RAI2: variants seen among roughly 807,000 people sequenced by gnomAD.
The protein encoded by RAI2 is retinoic acid-induced protein 2.
RAI2 carries 5 observed loss-of-function variants against 15.3 expected under a neutral mutation model. The ratio of observed to expected loss-of-function variants is 0.33; its 90% CI spans 0.17 to 0.69. The LOEUF (loss-of-function observed/expected upper bound fraction) is 0.69. Among genes scored for constraint, RAI2 ranks in the 30% least tolerant of loss-of-function variants. The pLI is 0.69. For missense variants in RAI2, 424 were observed against 424.7 expected (o/e 1.00, Z 0.01); for synonymous variants, 191 against 184.0 (o/e 1.04, Z -0.31).
chrX:17,815,322 TGCACACAC>T lies in RAI2; in HGVS notation c.-24-13296_-24-13289del, dbSNP rs1188304533. 8.0e-5 allele frequency among the ~76,000 whole-genome samples: 4 copies of T among 49,922 alleles called. No individual in the cohort carries two copies. The East Asian group carries it at 3.5e-3, about 44-fold the overall frequency. 43.4% of individuals were successfully genotyped at this position (49,922 alleles called of 115,157 possible). ...GTTTGCACACATACATGTGCACACG[TGCACACAC>T]ACACACACACACACACACACACACA... On this transcript the variant is annotated intron_variant, in intron 1 of 1. Coordinates refer to ENST00000451717, the MANE Select transcript of RAI2 (RefSeq NM_021785.6).
At chrX:17,844,468 G>C (rs1653839758) in intron 1 of RAI2, among the ~76,000 whole-genome samples, 1 of 112,926 alleles carries the variant, frequency 8.9e-6, no homozygotes, top group Non-Finnish European at 1.9e-5. Flanking sequence ...GTGGTGCCAA[G>C]AACAGGTTAC....
At chrX:17,836,454 AT>A (rs2067335827) in intron 1 of RAI2, among the ~76,000 whole-genome samples, 1 of 112,436 alleles carries the variant, frequency 8.9e-6, no homozygotes, top group African/African-American at 3.2e-5. Context: ...TATCTCAGTA[AT>A]TTATTGAATA....
At chrX:17,857,142 AT>A (rs1444873085) in intron 1 of RAI2, among the ~76,000 whole-genome samples, 2 of 112,031 alleles carry the variant, frequency 1.8e-5, no homozygotes, top group Non-Finnish European at 3.8e-5. Flanking sequence ...TACAGCAAGG[AT>A]GTCACCCTGA....
intron 1 of RAI2, among the ~76,000 whole-genome samples, chrX:17,813,849 C>A (rs1430394333): frequency 1.8e-5 from 2 of 111,591 alleles, no homozygotes; most frequent in Non-Finnish European, 3.8e-5. Flanking sequence ...AAGGACTGCA[C>A]TCCCATGCAC....
intron 1 of RAI2, among the ~76,000 whole-genome samples, chrX:17,826,510 G>GA (rs1556149311): frequency 9.0e-6 from 1 of 111,388 alleles, no homozygotes; most frequent in African/African-American, 3.3e-5. Context: ...TATTTGGAGG[G>GA]AGGAAGGAAG....
intron 1 of RAI2, among the ~76,000 whole-genome samples, chrX:17,823,906 C>T (rs1308426911): frequency 9.0e-6 from 1 of 111,457 alleles, no homozygotes; most frequent in African/African-American, 3.3e-5. Context: ...ATAGCTTATC[C>T]TGGCCAGTCT....
intron 1 of RAI2, among the ~76,000 whole-genome samples, chrX:17,831,834 A>T (rs2067285670): frequency 8.9e-6 from 1 of 112,404 alleles, no homozygotes; most frequent in Non-Finnish European, 1.9e-5. Flanking sequence ...TTATGAGTGC[A>T]TCAGAGTTTG....
chrX:17,850,983 G>C (rs764543880), intron 1 of RAI2, among the ~76,000 whole-genome samples: 2 of 112,716 alleles, frequency 1.8e-5, no homozygotes, highest in Non-Finnish European at 3.7e-5. Context: ...AATCCTGTCC[G>C]ATACAGGCAG....
At chrX:17,857,373 C>T (rs1243271889) in intron 1 of RAI2, among the ~76,000 whole-genome samples, 1 of 111,721 alleles carries the variant, frequency 9.0e-6, no homozygotes, top group African/African-American at 3.3e-5. Flanking sequence ...AAGGGGGCTA[C>T]GGGGCTTGCT....
intron 1 of RAI2, among the ~76,000 whole-genome samples, chrX:17,817,830 T>C (rs763053336): frequency 8.9e-6 from 1 of 112,537 alleles, no homozygotes; most frequent in Non-Finnish European, 1.9e-5. Context: ...GGATTTTCTA[T>C]AGGAAAGGTC....
intron 1 of RAI2, among the ~76,000 whole-genome samples, chrX:17,809,178 C>CTGGAT (rs2067013964): frequency 1.8e-5 from 2 of 112,253 alleles, no homozygotes; most frequent in African/African-American, 6.5e-5. Context: ...ATCCAGAGGT[C>CTGGAT]TACACAGCCC....
chrX:17,859,813 C>T (rs892132804), intron 1 of RAI2, among the ~76,000 whole-genome samples: 4 of 111,635 alleles, frequency 3.6e-5, no homozygotes, highest in Non-Finnish European at 7.5e-5. Context: ...GTCACCCAGA[C>T]GCTGCGCCGT....
intron 1 of RAI2, among the ~76,000 whole-genome samples, chrX:17,804,268 C>CCATTCATTCATGCATGCATGTATGAATT (rs1316793992): frequency 3.6e-5 from 4 of 112,260 alleles, no homozygotes; most frequent in East Asian, 2.8e-4. Context: ...CTCTAATACA[C>CCATTCATTCATGCATGCATGTATGAATT]CATTCATTCA....
intron 1 of RAI2, among the ~76,000 whole-genome samples, chrX:17,855,406 G>C: frequency 9.0e-6 from 1 of 111,579 alleles, no homozygotes; most frequent in Non-Finnish European, 1.9e-5. Context: ...GGGTGGGTGG[G>C]GTCGAGGAAA....
intron 1 of RAI2, among the ~76,000 whole-genome samples, chrX:17,811,926 A>T (rs368530519): frequency 3.8e-4 from 39 of 103,345 alleles, no homozygotes; most frequent in East Asian, 2.4e-3. Context: ...TAAAATGATT[A>T]AAAAAAAAAA....
chrX:17,803,534 A>AAAAAG (rs962919331), intron 1 of RAI2, among the ~76,000 whole-genome samples: 16 of 111,295 alleles, frequency 1.4e-4, no homozygotes, highest in Middle Eastern at 4.6e-3. Context: ...CCTTTAAAAA[A>AAAAAG]AAAAGAAAAG....
intron 1 of RAI2, among the ~76,000 whole-genome samples, chrX:17,840,094 T>G (rs1265310772): frequency 1.8e-5 from 2 of 112,386 alleles, no homozygotes; most frequent in Non-Finnish European, 3.8e-5. Context: ...TCTATAATGT[T>G]TTTATTTTTA....
At chrX:17,849,738 C>T (rs1449429754) in intron 1 of RAI2, among the ~76,000 whole-genome samples, 1 of 112,573 alleles carries the variant, frequency 8.9e-6, no homozygotes, top group Non-Finnish European at 1.9e-5. Context: ...CAGTTCTCAA[C>T]AGGATAAGTA....
intron 1 of RAI2, among the ~76,000 whole-genome samples, chrX:17,819,559 T>A: frequency 8.9e-6 from 1 of 112,593 alleles, no homozygotes. Flanking sequence ...GTCCTATTCA[T>A]GAGAACCACA....
Sources: allele counts gnomAD v4.1 joint callset (sites outside exome capture counted in the v4.1 genomes callset), GRCh38; gene constraint gnomAD v4.1.1; transcripts MANE v1.5; gene names NCBI Gene and HGNC (gene_info 2026-07-23, HGNC 2026-07-21).